The following MBTPS2 variants were observed in gnomAD, a reference collection of about 807,000 sequenced individuals.
MBTPS2 encodes membrane bound transcription factor peptidase, site 2.
MBTPS2 carries 2 observed loss-of-function variants against 35.4 expected under a neutral mutation model. That is an observed-to-expected ratio of 0.06 (90% CI 0.02 to 0.18). The LOEUF is 0.18. MBTPS2 is among the 10% of genes least tolerant of loss of function. The probability of loss-of-function intolerance (pLI) is 1.00; values close to 1 mark genes in which losing one functional copy is unlikely to be tolerated. For missense variants in MBTPS2, 244 were observed against 386.5 expected, an observed-to-expected ratio of 0.63 and a Z score of 3.09; for synonymous variants, 125 against 140.4, an observed-to-expected ratio of 0.89 and a Z score of 0.77.
In MBTPS2 at chrX:21,862,933, CATATATATATATATATAT is replaced by C. The variant is rs542223686; in HGVS notation, c.671-5516_671-5499del. 8.5e-3 allele frequency among the ~76,000 whole-genome samples: 234 copies of C among 27,667 alleles called. 5 individuals are homozygous for C. The highest frequency in any genetic ancestry group is 0.015 in the African/African-American group (189 of 12,794). 24.0% of individuals were successfully genotyped at this position (27,667 alleles called of 115,157 possible). A position where few individuals can be genotyped will look rare whatever the true frequency, so the allele number is the denominator to read the frequency against. On this transcript the variant is annotated intron_variant, in intron 5 of 10. Coordinates refer to ENST00000379484, the MANE Select transcript of MBTPS2 (RefSeq NM_015884.4). ...AAATATATAAACATATATATATAAA[CATATATATATATATATAT>C]ATATATATATATATATAAAACCGAC...
At chrX:21,853,617 T>C (rs969756477) in intron 5 of MBTPS2, 114 bp downstream of exon 5, 13 of 760,194 alleles carry the variant, frequency 1.7e-5, no homozygotes, top group Non-Finnish European at 2.6e-5. Context: ...TTTTGGTTAA[T>C]AACTTCAGTT....
At chrX:21,871,669 T>G (rs751294040) in intron 7 of MBTPS2, 1 of 112,265 alleles carries the variant, frequency 8.9e-6, no homozygotes, top group Non-Finnish European at 1.9e-5. Flanking sequence ...GGATGTCTTC[T>G]AAGACTTTTT....
chrX:21,852,645 C>A (rs1376694437), intron 4 of MBTPS2, among the ~76,000 whole-genome samples: 1 of 108,929 alleles, frequency 9.2e-6, no homozygotes, highest in Admixed American at 9.8e-5. Context: ...GTCCCAACTG[C>A]CAAGAAAAAA....
rs1466636525 is a variant in MBTPS2, at chrX:21,876,427, A to G, written c.971-1615A>G. 5.4e-5 allele frequency among the ~76,000 whole-genome samples: 6 copies of G among 110,791 alleles called. 1 individual carries two copies. Among genetic ancestry groups the G allele is most frequent in the African/African-American group, 2.0e-4 (6 of 30,438 alleles). On this transcript the variant is annotated intron_variant, in intron 7 of 10. Coordinates refer to ENST00000379484, the MANE Select transcript of MBTPS2 (RefSeq NM_015884.4). ...AAAAATACAAAAAAATTAGCTGGGC[A>G]TGGTGGCACGTGCCTGTAATCTCAG...
At chrX:21,843,423 T>A in intron 2 of MBTPS2, 105 bp downstream of exon 2, 1 of 837,314 alleles carries the variant, frequency 1.2e-6, no homozygotes, top group Non-Finnish European at 1.8e-6. Flanking sequence ...TTCTGAGTTT[T>A]AAAATATTGA....
In MBTPS2 at chrX:21,845,425, A is replaced by C. The variant is rs1281295798; in HGVS notation, c.438+41A>C. On this transcript the variant is annotated intron_variant, in intron 3 of 10. Transcript: ENST00000379484. Reference sequence around the variant, plus strand: ...TCGCTTTAAATAACTATCGAAATAGAGATGCAAGATACCACTTATGATCTA... The same window carrying C: ...TCGCTTTAAATAACTATCGAAATAGCGATGCAAGATACCACTTATGATCTA... The C allele has an allele frequency of 2.7e-6, 3 of 1,118,204 alleles. No individual in the cohort carries two copies. The African/African-American group carries it at 5.5e-5, about 20-fold the overall frequency. The allele number at this position is 1,118,204 out of a possible 1,213,427, so 92.2% of individuals were successfully genotyped here.
Position 21,868,362 on chromosome X carries a change from G to C in MBTPS2, c.671-105G>C, listed in dbSNP as rs1462162067. On this transcript the variant is annotated intron_variant, in intron 5 of 10. Transcript: ENST00000379484. ...ATATTTTTGCCTCATTGCTTCTTCT[G>C]ATCACTTTATTAATTTATCAGAATG... 3 of 581,357 alleles carry C rather than the reference G, an allele frequency of 5.2e-6. No individual in the cohort carries two copies. In the African/African-American group the frequency reaches 6.7e-5, roughly 13 times the overall value. The allele number at this position is 581,357 out of a possible 1,213,427, so 47.9% of individuals were successfully genotyped here. A position where few individuals can be genotyped will look rare whatever the true frequency, so the allele number is the denominator to read the frequency against.
rs529824619 is a variant in MBTPS2 at position 21,882,383 on chromosome X, G to T, written c.1338-50G>T. 3.4e-4 allele frequency: 318 copies of T among 925,326 alleles called. 3 individuals are homozygous for T. In the South Asian group the frequency reaches 6.0e-3, roughly 17 times the overall value. 76.3% of individuals were successfully genotyped at this position (925,326 alleles called of 1,213,427 possible). A position where few individuals can be genotyped will look rare whatever the true frequency, so the allele number is the denominator to read the frequency against. On this transcript the variant is annotated intron_variant, in intron 10 of 10. Coordinates refer to ENST00000379484, the MANE Select transcript of MBTPS2 (RefSeq NM_015884.4). ...ATATCTTCTGACTCATAGAAATATGGTTTCTACTCAGACCTCTCACAGTTG... is the reference window on the plus strand; with the variant it reads ...ATATCTTCTGACTCATAGAAATATGTTTTCTACTCAGACCTCTCACAGTTG...
chrX:21,848,576 A>C (rs2092911112), intron 3 of MBTPS2, among the ~76,000 whole-genome samples: 1 of 111,088 alleles, frequency 9.0e-6, no homozygotes, highest in Non-Finnish European at 1.9e-5. Flanking sequence ...GCTACTGTGG[A>C]GGCTGAAGCA....
At chrX:21,879,229 C>T (rs1279564536) in intron 9 of MBTPS2, among the ~76,000 whole-genome samples, 1 of 111,647 alleles carries the variant, frequency 9.0e-6, no homozygotes, top group Non-Finnish European at 1.9e-5. Context: ...AATAGTTTAC[C>T]ATGCGATTTA....
rs60769329 is a variant in MBTPS2 at position 21,879,949 on chromosome X, C to CTTTTTTTTTTT, written c.1262-937_1262-927dup. 1.9e-4 allele frequency among the ~76,000 whole-genome samples: 9 copies of CTTTTTTTTTTT among 47,382 alleles called. 1 individual carries two copies. The highest frequency in any genetic ancestry group is 6.7e-4 in the African/African-American group (5 of 7,486). The allele number at this position is 47,382 out of a possible 115,157, so 41.1% of individuals were successfully genotyped here. A position where few individuals can be genotyped will look rare whatever the true frequency, so the allele number is the denominator to read the frequency against. On this transcript the variant is annotated intron_variant, in intron 9 of 10. Coordinates refer to ENST00000379484, the MANE Select transcript of MBTPS2 (RefSeq NM_015884.4). The stretch of plus-strand genomic sequence containing the variant: ...ATGGATATGTGGGTTTTATGTTATT[C>CTTTTTTTTTTT]TTTTTTTTTTTTTTTTTTTTTGAGA...
intron 5 of MBTPS2, among the ~76,000 whole-genome samples, chrX:21,862,797 C>A (rs1370340351): frequency 4.3e-5 from 4 of 93,278 alleles, no homozygotes; most frequent in Non-Finnish European, 6.4e-5. Context: ...GGCGACAGAA[C>A]GAGACTCCGT....
intron 9 of MBTPS2, among the ~76,000 whole-genome samples, chrX:21,880,236 G>A (rs765647933): frequency 4.8e-4 from 53 of 110,443 alleles, no homozygotes; most frequent in African/African-American, 1.7e-3. Flanking sequence ...ATTACAGCGT[G>A]AGGCACCGCA....
chrX:21,842,593 C>A (rs748635340), intron 1 of MBTPS2, among the ~76,000 whole-genome samples: 3 of 111,101 alleles, frequency 2.7e-5, no homozygotes, highest in Non-Finnish European at 5.7e-5. Context: ...AAGTAATGCC[C>A]CCCCCAAAAG....
chrX:21,868,267 A>G (rs2092942952), intron 5 of MBTPS2, among the ~76,000 whole-genome samples, 200 bp from the exon 6 acceptor site: 1 of 111,840 alleles, frequency 8.9e-6, no homozygotes, highest in South Asian at 3.8e-4. Flanking sequence ...TAACATGCCC[A>G]TTTTAGATTT....
intron 3 of MBTPS2, among the ~76,000 whole-genome samples, chrX:21,847,766 G>T (rs1316333392): frequency 8.9e-6 from 1 of 112,069 alleles, no homozygotes; most frequent in Admixed American, 9.5e-5. Flanking sequence ...TAAATTTAGA[G>T]AGGGGTCAGA....
At chrX:21,861,367 A>G in intron 5 of MBTPS2, among the ~76,000 whole-genome samples, 1 of 112,054 alleles carries the variant, frequency 8.9e-6, no homozygotes, top group Non-Finnish European at 1.9e-5. Flanking sequence ...CTGGACGCCT[A>G]ACATTATAAG....
intron 5 of MBTPS2, chrX:21,857,684 A>C (rs1473989616): frequency 1.2e-4 from 118 of 1,000,029 alleles, no homozygotes; most frequent in Non-Finnish European, 1.5e-4. Flanking sequence ...AAAGCTTTGT[A>C]TGTTGTTTCT....
At chrX:21,862,179 C>T (rs1323580960) in intron 5 of MBTPS2, among the ~76,000 whole-genome samples, 1 of 110,415 alleles carries the variant, frequency 9.1e-6, no homozygotes, top group African/African-American at 3.3e-5. Context: ...GCCCATACCC[C>T]GCCCCATAAG....
Sources: allele counts gnomAD v4.1 joint callset (sites outside exome capture counted in the v4.1 genomes callset), GRCh38; gene constraint gnomAD v4.1.1; transcripts MANE v1.5; gene names NCBI Gene and HGNC (gene_info 2026-07-23, HGNC 2026-07-21).